POLQ: variants seen among roughly 807,000 people sequenced by gnomAD.
POLQ encodes the protein DNA polymerase theta, also known as epididymis secretory sperm binding protein.
A neutral mutation model predicts 259.2 loss-of-function variants in POLQ; 233 were observed. The ratio of observed to expected loss-of-function variants is 0.90; its 90% CI spans 0.81 to 1.00. The LOEUF is 1.00. POLQ is among the 50% of genes least tolerant of loss of function. POLQ has a pLI of 0.00. For missense variants in POLQ, 2,871 were observed against 3,051.6 expected (o/e 0.94, Z 1.39); for synonymous variants, 1,025 against 1,048.8 (o/e 0.98, Z 0.44).
intron 24 of POLQ, 69 bp from the exon 25 acceptor site, chr3:121,460,303 A>C: frequency 3.4e-6 from 4 of 1,190,390 alleles, no homozygotes; most frequent in Non-Finnish European, 4.9e-6. Context: ...GTTCTATATC[A>C]TATAATTGAG....
At chr3:121,467,061 C>T (rs1224159602) in intron 24 of POLQ, among the ~76,000 whole-genome samples, 2 of 151,992 alleles carry the variant, frequency 1.3e-5, no homozygotes, top group Non-Finnish European at 2.9e-5. Context: ...TTAGGGGCCA[C>T]CCCATGCAAT....
intron 25 of POLQ, among the ~76,000 whole-genome samples, chr3:121,450,792 T>C (rs1462109189): frequency 1.3e-5 from 2 of 152,262 alleles, no homozygotes; most frequent in African/African-American, 4.8e-5. Context: ...TCGAGGAGTA[T>C]CTTTGTGGTG....
rs148639263 is a variant in POLQ, at chr3:121,484,534, T to C, written c.5773+507A>G. 5.3e-5 allele frequency among the ~76,000 whole-genome samples: 8 copies of C among 152,260 alleles called. No homozygotes were observed. In the East Asian group the frequency reaches 1.5e-3, roughly 29 times the overall value. On this transcript the variant is annotated intron_variant, in intron 17 of 29. Coordinates refer to ENST00000264233, the MANE Select transcript of POLQ (RefSeq NM_199420.4). ...GCCTCGTGTGACAGGCAGGGAGAAG[T>C]AAGGAAGTGCTTCTTAAAACATTAA... is the stretch of plus-strand genomic sequence containing the variant.
rs1022055883 is a variant in POLQ at position 121,487,746 on chromosome 3, C to A, written c.5185G>T (p.Val1729Phe). The change falls in exon 16 of 30, where the codon GTT becomes TTT. Residue 1729 changes from valine to phenylalanine, a missense_variant. This residue lies in a region of POLQ where 2,080 missense variants were observed against 2,126.0 expected (regional missense o/e 0.98). Transcript: ENST00000264233. Reference protein sequence around the residue: ...SLLPRKESNIVDDNGLIPPTP... With the variant: ...SLLPRKESNIFDDNGLIPPTP... ...GGAGGAATGAGACCATTATCATCAA[C>A]TATATTACTTTCTTTACGAGGTAAG... 6.2e-7 allele frequency: 1 copy of A among 1,613,308 alleles called. No homozygotes were observed. The highest frequency in any genetic ancestry group is 8.5e-7 in the Non-Finnish European group (1 of 1,179,460).
chr3:121,451,328 C>T (rs1400455327), intron 25 of POLQ, among the ~76,000 whole-genome samples: 3 of 152,170 alleles, frequency 2.0e-5, no homozygotes, highest in Admixed American at 1.3e-4. Flanking sequence ...CCATTGCTGG[C>T]GAGGAGCTGA....
At position 121,467,641 on chromosome 3, in the gene POLQ, C is replaced by T. The variant is rs1553804674; in HGVS notation, c.6846-1G>A. The T allele has an allele frequency of 1.2e-6, 2 of 1,613,540 alleles. No individual in the cohort carries two copies. Among genetic ancestry groups the T allele is most frequent in the Admixed American group, 1.7e-5 (1 of 59,978 alleles). On this transcript the variant is annotated splice_acceptor_variant, in intron 23 of 29. Coordinates refer to ENST00000264233, the MANE Select transcript of POLQ (RefSeq NM_199420.4). LOFTEE classifies it high-confidence loss of function. ...GCTGAAACCCTTCTTATATTTTCCT[C>T]TGTGGTGCAAACAACATCATCAGTT...
chr3:121,524,848 T>G (rs1026148137), intron 7 of POLQ, among the ~76,000 whole-genome samples: 2 of 152,062 alleles, frequency 1.3e-5, no homozygotes, highest in Admixed American at 1.3e-4. Context: ...ACATACAAAA[T>G]GGGTACATTT....
chr3:121,472,364 T>C lies in POLQ; in HGVS notation c.6544-200A>G, dbSNP rs541851845. On this transcript the variant is annotated intron_variant, in intron 21 of 29. Transcript: ENST00000264233. ...TTACAAAATGGAAATGTGGTAATAC[T>C]GAGCAGTATCAATTTAAAACTACCT... Among the ~76,000 whole-genome samples, 3 of 152,356 alleles carry C rather than the reference T, an allele frequency of 2.0e-5. No individual in the cohort carries two copies. The South Asian group carries it at 6.2e-4, about 32-fold the overall frequency.
Position 121,476,681 on chromosome 3 carries a change from T to C in POLQ, c.6264A>G (p.Glu2088=). The change falls in exon 20 of 30, where the codon GAA becomes GAG. Residue 2088 remains glutamate (E), a synonymous_variant. Coordinates refer to ENST00000264233, the MANE Select transcript of POLQ (RefSeq NM_199420.4). ...MPSQYCLALL[E]LNGIGFSTAE... ...CAGTACTAAAGCCAATTCCATTTAG[T>C]TCTAGCAAGGCCAAGCAGTACTGAG... 1 of 1,613,816 alleles carries C rather than the reference T, an allele frequency of 6.2e-7. No homozygotes were observed. The highest frequency in any genetic ancestry group is 1.1e-5 in the South Asian group (1 of 91,052).
At chr3:121,432,542 G>GA in intron 29 of POLQ, 125 bp from the exon 30 acceptor site, 1 of 821,388 alleles carries the variant, frequency 1.2e-6, no homozygotes, top group East Asian at 3.2e-5. Flanking sequence ...TGCTAAATCA[G>GA]AAAAAATAAA....
intron 24 of POLQ, 65 bp from the exon 25 acceptor site, chr3:121,460,299 T>C (rs905787502): frequency 4.1e-6 from 5 of 1,213,286 alleles, no homozygotes; most frequent in Non-Finnish European, 6.0e-6. Context: ...CCAAGTTCTA[T>C]ATCATATAAT....
chr3:121,490,856 C>G (rs1337694547), intron 15 of POLQ, among the ~76,000 whole-genome samples: 1 of 152,126 alleles, frequency 6.6e-6, no homozygotes, highest in African/African-American at 2.4e-5. Context: ...GAGTTCGAGA[C>G]CAGCCTGGCC....
chr3:121,467,025 A>T (rs1015177238), intron 24 of POLQ, among the ~76,000 whole-genome samples: 1 of 152,210 alleles, frequency 6.6e-6, no homozygotes, highest in Non-Finnish European at 1.5e-5. Flanking sequence ...AGTATTGAGG[A>T]GGGGTCAGGC....
At position 121,476,362 on chromosome 3, in the gene POLQ, C is replaced by T. The variant is rs570120503; in HGVS notation, c.6405+178G>A. On this transcript the variant is annotated intron_variant, in intron 20 of 29. Coordinates refer to ENST00000264233, the MANE Select transcript of POLQ (RefSeq NM_199420.4). Reference sequence around the variant, plus strand: ...CCTTCCTTTATTTGTAAATTAAATACAGATATAATTTACAAATTAGATGCT... The same window carrying T: ...CCTTCCTTTATTTGTAAATTAAATATAGATATAATTTACAAATTAGATGCT... 3.3e-5 allele frequency among the ~76,000 whole-genome samples: 5 copies of T among 151,932 alleles called. No homozygotes were observed. In the South Asian group the frequency reaches 1.0e-3, roughly 32 times the overall value.
intron 25 of POLQ, among the ~76,000 whole-genome samples, 169 bp downstream of exon 25, chr3:121,459,881 A>G (rs1180907859): frequency 6.6e-6 from 1 of 152,156 alleles, no homozygotes; most frequent in African/African-American, 2.4e-5. Context: ...TACTGCCTCC[A>G]CAAAAGAAAA....
chr3:121,449,278 G>C, intron 26 of POLQ, 37 bp downstream of exon 26: 1 of 1,029,276 alleles, frequency 9.7e-7, no homozygotes, highest in Non-Finnish European at 1.5e-6. Flanking sequence ...AATATGGTAA[G>C]ATGGTTGAAA....
chr3:121,439,902 C>T, intron 27 of POLQ, 90 bp downstream of exon 27: 1 of 1,155,536 alleles, frequency 8.7e-7, no homozygotes. Context: ...GCCAGTAATC[C>T]CTAAAACGGA....
chr3:121,544,956 G>C (rs754160127), intron 1 of POLQ, 50 bp from the exon 2 acceptor site: 65 of 1,172,076 alleles, frequency 5.5e-5, no homozygotes, highest in Non-Finnish European at 7.6e-5. Context: ...TAATATATGA[G>C]TTTTACAGTT....
chr3:121,521,981 T>G, intron 8 of POLQ, 22 bp downstream of exon 8: 2 of 1,518,398 alleles, frequency 1.3e-6, no homozygotes, highest in Non-Finnish European at 1.8e-6. Context: ...GGTTTCTTAA[T>G]AACATTATAA....
Sources: gnomAD v4.1 joint callset for allele counts (sites outside exome capture counted in the v4.1 genomes callset) on GRCh38, gnomAD v4.1.1 for gene constraint, gnomAD v4.1.1 regional missense constraint, MANE v1.5 for transcripts, NCBI Gene and HGNC (gene_info 2026-07-23, HGNC 2026-07-21) for gene names.